KCNT2: variants seen among roughly 807,000 people sequenced by gnomAD.
The protein encoded by KCNT2 is potassium sodium-activated channel subfamily T member 2.
KCNT2 carries 67 observed loss-of-function variants against 153.8 expected under a neutral mutation model. The observed-to-expected ratio is 0.44, with a 90% confidence interval of 0.36 to 0.53. The LOEUF (loss-of-function observed/expected upper bound fraction) is 0.53. KCNT2 is among the 20% of genes least tolerant of loss of function. The pLI, the probability that KCNT2 is intolerant of heterozygous loss-of-function variation, is 0.00. For synonymous variants in KCNT2, 500 were observed against 458.8 expected, an observed-to-expected ratio of 1.09 and a Z score of -1.15; for missense variants, 975 against 1,354.8, an observed-to-expected ratio of 0.72 and a Z score of 4.40.
chr1:196,556,428 C>T (rs1343193254), intron 1 of KCNT2, among the ~76,000 whole-genome samples: 2 of 151,356 alleles, frequency 1.3e-5, no homozygotes, highest in African/African-American at 4.8e-5. Context: ...CCGAAAAATG[C>T]AAATCAAAAC....
At chr1:196,452,336 T>C (rs1393529786) in intron 8 of KCNT2, among the ~76,000 whole-genome samples, 1 of 152,020 alleles carries the variant, frequency 6.6e-6, no homozygotes, top group Non-Finnish European at 1.5e-5. Flanking sequence ...TTGATGATTA[T>C]TGCCATATGC....
At position 196,570,067 on chromosome 1, in the gene KCNT2, T is replaced by TAAAAAAAAA. The variant is rs199836975; in HGVS notation, c.95+38139_95+38147dup. Reference sequence around the variant, plus strand: ...TGAGTCCAGGAAGCTTGAGCTAGAGTAAAAAAAAAAAAAAAAAAAAAAAAA... The same window carrying TAAAAAAAAA: ...TGAGTCCAGGAAGCTTGAGCTAGAGTAAAAAAAAAAAAAAAAAAAAAAAAAAAAAAAAAA... On this transcript the variant is annotated intron_variant, in intron 1 of 27. Coordinates refer to ENST00000294725, the MANE Select transcript of KCNT2 (RefSeq NM_198503.5). Among the ~76,000 whole-genome samples the TAAAAAAAAA allele has an allele frequency of 1.6e-3, 220 of 133,686 alleles. 12 individuals are homozygous for TAAAAAAAAA. The highest frequency in any genetic ancestry group is 7.4e-3 in the African/African-American group (204 of 27,508). 87.7% of individuals were successfully genotyped at this position (133,686 alleles called of 152,430 possible). A position where few individuals can be genotyped will look rare whatever the true frequency, so the allele number is the denominator to read the frequency against.
At chr1:196,313,741 G>C (rs1349016775) in intron 21 of KCNT2, among the ~76,000 whole-genome samples, 1 of 151,530 alleles carries the variant, frequency 6.6e-6, no homozygotes, top group Non-Finnish European at 1.5e-5. Context: ...TAATAGTAAT[G>C]TCATGATAGG....
At chr1:196,465,789 C>A (rs1464710359) in intron 7 of KCNT2, among the ~76,000 whole-genome samples, 3 of 151,398 alleles carry the variant, frequency 2.0e-5, no homozygotes, top group Admixed American at 1.3e-4. Context: ...AAATTACAAA[C>A]AAAGCTCATT....
Position 196,398,550 on chromosome 1 carries a change from G to C in KCNT2, c.1294+13C>G, listed in dbSNP as rs1247404145. ...AGGAAATTCAATGGATCTCATGCAA[G>C]ATAAAAACTTACCAGCAAATTTGAT... is the stretch of plus-strand genomic sequence containing the variant. On this transcript the variant is annotated intron_variant, in intron 13 of 27. Transcript: ENST00000294725. 6 of 1,429,018 alleles carry C rather than the reference G, an allele frequency of 4.2e-6. No individual in the cohort carries two copies. Among genetic ancestry groups the C allele is most frequent in the Non-Finnish European group, 5.9e-6 (6 of 1,014,276 alleles). The allele number at this position is 1,429,018 out of a possible 1,614,324, so 88.5% of individuals were successfully genotyped here.
rs750514820 is a variant in KCNT2 at position 196,281,941 on chromosome 1, G to A, written c.2781+332C>T. 7.6e-4 allele frequency among the ~76,000 whole-genome samples: 116 copies of A among 151,714 alleles called. 2 individuals are homozygous for A. Among genetic ancestry groups the A allele is most frequent in the Non-Finnish European group, 8.8e-4 (60 of 67,958 alleles). On this transcript the variant is annotated intron_variant, in intron 24 of 27. Transcript: ENST00000294725. ...ATTTTTTGTATTTTTAGTGGAGACG[G>A]GGTTTCACTGTGTTAGCCAGGATGG...
intron 18 of KCNT2, among the ~76,000 whole-genome samples, chr1:196,328,680 C>T (rs1162660991): frequency 1.3e-5 from 2 of 148,818 alleles, no homozygotes; most frequent in African/African-American, 4.9e-5. Context: ...TGGACTTGCA[C>T]ACAAAGTAAA....
At chr1:196,516,713 C>CTGTCAG (rs1491333895) in intron 1 of KCNT2, among the ~76,000 whole-genome samples, 1 of 152,206 alleles carries the variant, frequency 6.6e-6, no homozygotes, top group Non-Finnish European at 1.5e-5. Context: ...CTAGCCACCC[C>CTGTCAG]TGTCAGTGTG....
At chr1:196,411,511 CTTTCCAT>C (rs1310399782) in intron 12 of KCNT2, among the ~76,000 whole-genome samples, 1 of 141,812 alleles carries the variant, frequency 7.1e-6, no homozygotes, top group African/African-American at 2.6e-5. Context: ...CACAGGATGT[CTTTCCAT>C]TTTCCATTTA....
chr1:196,594,861 A>G (rs1257777006), intron 1 of KCNT2, among the ~76,000 whole-genome samples: 3 of 152,178 alleles, frequency 2.0e-5, no homozygotes, highest in Admixed American at 2.0e-4. Flanking sequence ...AATTTCAAAA[A>G]GCATTTTAGG....
chr1:196,452,453 A>G (rs752567867), intron 8 of KCNT2, among the ~76,000 whole-genome samples: 1 of 151,876 alleles, frequency 6.6e-6, no homozygotes, highest in Non-Finnish European at 1.5e-5. Flanking sequence ...TAACTCTCCT[A>G]TATGGTCTCA....
intron 1 of KCNT2, among the ~76,000 whole-genome samples, chr1:196,517,471 G>A (rs976625166): frequency 1.3e-5 from 2 of 152,144 alleles, no homozygotes; most frequent in African/African-American, 4.8e-5. Context: ...TAAGAATGAA[G>A]ATCACCAAGA....
intron 21 of KCNT2, among the ~76,000 whole-genome samples, chr1:196,306,371 A>G (rs1661636236): frequency 1.3e-5 from 2 of 152,094 alleles, no homozygotes; most frequent in Non-Finnish European, 2.9e-5. Flanking sequence ...TTATGAATTT[A>G]TGAATTTATG....
At chr1:196,529,153 G>A (rs945183396) in intron 1 of KCNT2, among the ~76,000 whole-genome samples, 5 of 152,000 alleles carry the variant, frequency 3.3e-5, no homozygotes, top group African/African-American at 9.7e-5. Flanking sequence ...AAATAAATGC[G>A]AAACTGAATA....
chr1:196,272,749 G>C (rs1658188781), intron 25 of KCNT2, among the ~76,000 whole-genome samples: 1 of 151,850 alleles, frequency 6.6e-6, no homozygotes, highest in Non-Finnish European at 1.5e-5. Flanking sequence ...TCTTGTCCAG[G>C]TTCATCCATG....
At chr1:196,383,160 G>A (rs992005532) in intron 13 of KCNT2, among the ~76,000 whole-genome samples, 19 of 152,034 alleles carry the variant, frequency 1.2e-4, no homozygotes. Flanking sequence ...TGGAATAATG[G>A]TTCTCAAGCT....
rs1553322368 is a variant in KCNT2 at position 196,425,994 on chromosome 1, C to G, written c.985-6G>C. The G allele has an allele frequency of 1.9e-6, 3 of 1,609,938 alleles. No homozygotes were observed. In the South Asian group the frequency reaches 3.3e-5, roughly 18 times the overall value. On this transcript the variant is annotated splice_polypyrimidine_tract_variant and splice_region_variant and intron_variant, in intron 10 of 27. Transcript: ENST00000294725. ...AAAATCACCACATAATAATCCTATTCAAAACAAAATGGGCAATGGAATAGA... is the reference window on the plus strand; with the variant it reads ...AAAATCACCACATAATAATCCTATTGAAAACAAAATGGGCAATGGAATAGA...
chr1:196,593,512 T>C (rs2149008574), intron 1 of KCNT2, among the ~76,000 whole-genome samples: 1 of 151,968 alleles, frequency 6.6e-6, no homozygotes, highest in East Asian at 1.9e-4. Flanking sequence ...AGATACCCAG[T>C]AGTGGGATTG....
chr1:196,429,839 G>T, intron 8 of KCNT2, 82 bp from the exon 9 acceptor site: 3 of 972,066 alleles, frequency 3.1e-6, no homozygotes, highest in Non-Finnish European at 4.5e-6. Context: ...GAAAGCCAAA[G>T]CACATTTCAT....
Sources: gnomAD v4.1 joint callset for allele counts (sites outside exome capture counted in the v4.1 genomes callset) on GRCh38, gnomAD v4.1.1 for gene constraint, MANE v1.5 for transcripts, NCBI Gene and HGNC (gene_info 2026-07-23, HGNC 2026-07-21) for gene names.